CCDC14: variants seen among roughly 807,000 people sequenced by gnomAD.
CCDC14 encodes the protein coiled-coil domain containing 14.
Under a neutral mutation model 81.4 loss-of-function variants are expected in CCDC14, and 71 were observed. The ratio of observed to expected loss-of-function variants is 0.87; its 90% CI spans 0.72 to 1.06. CCDC14 has a LOEUF of 1.06. Ranked by LOEUF, CCDC14 falls within the 50% of genes least tolerant of loss-of-function variation. CCDC14 has a pLI of 0.00. For synonymous variants in CCDC14, 332 were observed against 364.8 expected, an observed-to-expected ratio of 0.91 and a Z score of 1.03; for missense variants, 1,046 against 1,047.3, an observed-to-expected ratio of 1.00 and a Z score of 0.02.
Position 123,956,384 on chromosome 3 carries a change from A to G in CCDC14, c.130T>C (p.Tyr44His). ...KIPRFNADSG[Y>H]SIHSDSESQA... ...CTTTCTGAATCAGAATGGATGGAAT[A>G]GCCAGAATCTGCATTAAAACGTGGT... The change falls in exon 3 of 13, where the codon TAT becomes CAT. Residue 44 changes from tyrosine (Y) to histidine (H), a missense_variant. By Grantham distance (83) the Tyr-to-His change is moderately conservative. Transcript: ENST00000409697. The G allele has an allele frequency of 3.2e-6, 5 of 1,548,200 alleles. No homozygotes were observed. Among genetic ancestry groups the G allele is most frequent in the Non-Finnish European group, 4.4e-6 (5 of 1,145,038 alleles).
At chr3:123,908,769 A>C (rs926558609), downstream of CCDC14, among the ~76,000 whole-genome samples, 1 of 152,078 alleles carries the variant, frequency 6.6e-6, no homozygotes, top group Non-Finnish European at 1.5e-5. Context: ...TGGTGGACTG[A>C]GTCTCTAGTG....
intron 9 of CCDC14, among the ~76,000 whole-genome samples, chr3:123,941,839 G>C (rs2036366980): frequency 6.6e-6 from 1 of 151,970 alleles, no homozygotes; most frequent in African/African-American, 2.4e-5. Context: ...TTATGAATTA[G>C]CTCCTAAGGC....
intron 12 of CCDC14, among the ~76,000 whole-genome samples, chr3:123,924,410 C>T (rs2035237949): frequency 6.6e-6 from 1 of 152,028 alleles, no homozygotes. Flanking sequence ...CTTGAAAGCA[C>T]AGATATCACA....
intron 12 of CCDC14, among the ~76,000 whole-genome samples, chr3:123,928,510 A>AAAAT (rs959960862): frequency 6.6e-6 from 1 of 152,044 alleles, no homozygotes; most frequent in Admixed American, 6.6e-5. Flanking sequence ...TGTCTCAAAG[A>AAAAT]AAATAAATAA....
rs1389397355 is a variant in CCDC14, at chr3:123,917,858, C to A, written c.1779-2140G>T. On this transcript the variant is annotated intron_variant, in intron 12 of 12. Transcript: ENST00000409697. ...AATTTATACTTATAAAAATATCCTA[C>A]TGGTCTACACAGAGGTTGTACCCAA... 2.0e-5 allele frequency among the ~76,000 whole-genome samples: 3 copies of A among 151,852 alleles called. No homozygotes were observed. In the East Asian group the frequency reaches 5.8e-4, roughly 29 times the overall value.
At chr3:123,952,229 AAGCACTGTCTGAC>A (rs1458955656) in intron 5 of CCDC14, among the ~76,000 whole-genome samples, 1 of 152,212 alleles carries the variant, frequency 6.6e-6, no homozygotes, top group African/African-American at 2.4e-5. Flanking sequence ...GCTGCTGTGC[AAGCACTGTCTGAC>A]AGGAAGTTAT....
At chr3:123,954,783 GATCA>G (rs1474694211) in intron 5 of CCDC14, 3 of 151,990 alleles carry the variant, frequency 2.0e-5, no homozygotes, top group Non-Finnish European at 4.4e-5. Flanking sequence ...ATAATAACTG[GATCA>G]ATTATCAGTT....
chr3:123,928,911 G>C (rs1487985783), intron 12 of CCDC14, among the ~76,000 whole-genome samples: 2 of 152,096 alleles, frequency 1.3e-5, no homozygotes, highest in African/African-American at 2.4e-5. Flanking sequence ...TGAAAATGCA[G>C]ATACTAAAAT....
downstream of CCDC14, among the ~76,000 whole-genome samples, chr3:123,910,898 T>C (rs991486758): frequency 6.6e-6 from 1 of 152,100 alleles, no homozygotes; most frequent in African/African-American, 2.4e-5. Context: ...TGAAAATGAA[T>C]CAATCCTGGT....
At chr3:123,943,345 TAGGCCTCAGAAGC>T (rs977307430) in intron 9 of CCDC14, among the ~76,000 whole-genome samples, 2 of 152,070 alleles carry the variant, frequency 1.3e-5, no homozygotes, top group African/African-American at 4.8e-5. Flanking sequence ...TCAGGTACTT[TAGGCCTCAGAAGC>T]AGGCCTCAGA....
rs2036667834 is a variant in CCDC14 at position 123,947,034 on chromosome 3, G to A, written c.970C>T (p.His324Tyr). The A allele has an allele frequency of 6.2e-7, 1 of 1,613,858 alleles. No homozygotes were observed. The highest frequency in any genetic ancestry group is 1.3e-5 in the African/African-American group (1 of 74,910). ...GKETHLDSQT[H>Y]RSPTQSQPAF... Reference sequence around the variant, plus strand: ...GGTTGTGACTGAGTAGGGCTTCGGTGTGTCTGACTGTCCAGATGCGTTTCT... The same window carrying A: ...GGTTGTGACTGAGTAGGGCTTCGGTATGTCTGACTGTCCAGATGCGTTTCT... Residue 324 changes from histidine (H) to tyrosine (Y), a missense_variant, in exon 8 of 13, where the codon CAC becomes TAC. Coordinates refer to ENST00000409697, the MANE Select transcript of CCDC14 (RefSeq NM_001366335.1).
In CCDC14 at chr3:123,946,847, A is replaced by G; in HGVS notation, c.1157T>C (p.Ile386Thr). The G allele has an allele frequency of 6.2e-7, 1 of 1,613,890 alleles. No homozygotes were observed. Among genetic ancestry groups the G allele is most frequent in the Non-Finnish European group, 8.5e-7 (1 of 1,179,844 alleles). ...VNKTAEKVRI[I>T]KYLLGELKAL... The stretch of plus-strand genomic sequence containing the variant: ...CTTGAGCTCTCCCAACAAATATTTT[A>G]TAATTCTAACTTTTTCAGCTGTCTT... Residue 386 changes from isoleucine to threonine, a missense_variant, in exon 8 of 13, where the codon ATA becomes ACA. Transcript: ENST00000409697.
intron 12 of CCDC14, among the ~76,000 whole-genome samples, chr3:123,918,429 C>G (rs914012961): frequency 6.6e-6 from 1 of 152,172 alleles, no homozygotes; most frequent in East Asian, 1.9e-4. Flanking sequence ...AGTTTCCTGG[C>G]TCTGGTCCCC....
At chr3:123,945,239 A>G (rs943996237) in intron 8 of CCDC14, among the ~76,000 whole-genome samples, 1 of 152,006 alleles carries the variant, frequency 6.6e-6, no homozygotes, top group Non-Finnish European at 1.5e-5. Flanking sequence ...GGATTATTAC[A>G]TAAGTGATTT....
At chr3:123,894,580 T>C (rs1297666284), downstream of CCDC14, among the ~76,000 whole-genome samples, 1 of 152,226 alleles carries the variant, frequency 6.6e-6, no homozygotes, top group African/African-American at 2.4e-5. Context: ...TTCCAATGCA[T>C]AAACACAGAA....
chr3:123,922,434 T>C (rs996705902), intron 12 of CCDC14, among the ~76,000 whole-genome samples: 1 of 151,980 alleles, frequency 6.6e-6, no homozygotes, highest in African/African-American at 2.4e-5. Flanking sequence ...ACTGAGTTTG[T>C]TTTTTTGGGA....
Position 123,913,937 on chromosome 3 carries a change from G to A in CCDC14, c.*842C>T. Reference sequence around the variant, plus strand: ...CCTACTTCATATTATTTATAAAATAGAGAATATTCTCAGCTAACATGCTGG... The same window carrying A: ...CCTACTTCATATTATTTATAAAATAAAGAATATTCTCAGCTAACATGCTGG... On this transcript the variant is annotated 3_prime_UTR_variant, in exon 13 of 13. Coordinates refer to ENST00000409697, the MANE Select transcript of CCDC14 (RefSeq NM_001366335.1). 5.1e-6 allele frequency: 5 copies of A among 984,902 alleles called. No homozygotes were observed. Among genetic ancestry groups the A allele is most frequent in the Non-Finnish European group, 4.8e-6 (4 of 829,196 alleles). 61.0% of individuals were successfully genotyped at this position (984,902 alleles called of 1,614,324 possible).
chr3:123,915,171 T>C lies in CCDC14; in HGVS notation c.2326A>G (p.Lys776Glu), dbSNP rs766637887. 6.2e-7 allele frequency: 1 copy of C among 1,613,962 alleles called. No homozygotes were observed. Among genetic ancestry groups the C allele is most frequent in the Non-Finnish European group, 8.5e-7 (1 of 1,179,848 alleles). ...SGLAVSGKEN[K>E]LCTPVICSSS... ...GAACAGATTACAGGTGTACACAGTT[T>C]ATTTTCTTTTCCAGAGACAGCAAGT... Residue 776 changes from lysine (K) to glutamate (E), a missense_variant, in exon 13 of 13, where the codon AAA (lysine) becomes GAA (glutamate). Lys to Glu is a moderately conservative substitution (Grantham distance 56). Coordinates refer to ENST00000409697, the MANE Select transcript of CCDC14 (RefSeq NM_001366335.1).
intron 10 of CCDC14, 140 bp from the exon 11 acceptor site, chr3:123,931,666 T>C (rs1486972430): frequency 1.8e-6 from 1 of 546,708 alleles, no homozygotes. Flanking sequence ...TGAGCAGTTC[T>C]ACATAAATAC....
Sources: gnomAD v4.1 joint callset for allele counts (sites outside exome capture counted in the v4.1 genomes callset) on GRCh38, gnomAD v4.1.1 for gene constraint, MANE v1.5 for transcripts, NCBI Gene and HGNC (gene_info 2026-07-23, HGNC 2026-07-21) for gene names.